Variants in SLC67A1 observed in about 807,000 individuals in gnomAD.
The protein encoded by SLC67A1 is solute carrier family 67 member A1.
At chr11:2,903,628 C>A in the SLC67A1 span, 1 of 875,772 alleles carries the variant, frequency 1.1e-6, no homozygotes, top group Non-Finnish European at 1.8e-6. Context: ...ACTCATGCCA[C>A]GCTTAAGCTG....
the SLC67A1 span, among the ~76,000 whole-genome samples, chr11:2,924,241 G>A: frequency 6.6e-6 from 1 of 152,238 alleles, no homozygotes; most frequent in Non-Finnish European, 1.5e-5. This position sits in a 1 kb window ranked among gnomAD's most constrained non-coding sequence, Gnocchi z 8.6. Context: ...GCAGGTCGGG[G>A]CTGTCTGGGG....
chr11:2,900,546 T>A, the SLC67A1 span, among the ~76,000 whole-genome samples: 1 of 151,384 alleles, frequency 6.6e-6, no homozygotes, highest in African/African-American at 2.4e-5. Context: ...ACAAAAAAAT[T>A]AGCGGGGGCT....
At chr11:2,908,909 C>T in the SLC67A1 span, among the ~76,000 whole-genome samples, 1 of 152,232 alleles carries the variant, frequency 6.6e-6, no homozygotes, top group African/African-American at 2.4e-5. Flanking sequence ...CGGGCCCACC[C>T]TTTGGTCCCC....
the SLC67A1 span, chr11:2,902,234 G>C: frequency 2.6e-5 from 4 of 152,282 alleles, no homozygotes; most frequent in African/African-American, 9.6e-5. Context: ...GACCCAGAGG[G>C]GCGGTCCCTG....
chr11:2,902,647 G>A, the SLC67A1 span: 1 of 985,440 alleles, frequency 1.0e-6, no homozygotes, highest in South Asian at 4.7e-5. Context: ...CTCTGCAGCC[G>A]CAAAATCCAG....
chr11:2,909,140 G>A, the SLC67A1 span: 2 of 1,429,906 alleles, frequency 1.4e-6, no homozygotes, highest in South Asian at 1.4e-5. Flanking sequence ...CCCTGGACGG[G>A]GGGAAGGGGA....
the SLC67A1 span, chr11:2,918,162 G>A: frequency 1 from 1,246,937 of 1,252,350 alleles, 620,944 homozygotes; most frequent in East Asian, 1. Context: ...GCCAGGGCCC[G>A]GCCCTTCCTC....
At chr11:2,917,970 A>G in the SLC67A1 span, 4 of 1,599,140 alleles carry the variant, frequency 2.5e-6, no homozygotes, top group Non-Finnish European at 3.4e-6. Context: ...GCAGGCCTGA[A>G]TGGCCTCTCC....
chr11:2,922,266 G>T, the SLC67A1 span: 1 of 1,536,258 alleles, frequency 6.5e-7, no homozygotes, highest in East Asian at 2.2e-5. Flanking sequence ...CCACCTGGGC[G>T]GTACCATCTG....
At chr11:2,921,847 T>A in the SLC67A1 span, 1 of 517,364 alleles carries the variant, frequency 1.9e-6, no homozygotes, top group Non-Finnish European at 3.5e-6. Flanking sequence ...GTGTCCCTGG[T>A]GTGGGCCTTT....
chr11:2,913,288 G>C, the SLC67A1 span, among the ~76,000 whole-genome samples: 6 of 152,188 alleles, frequency 3.9e-5, no homozygotes, highest in African/African-American at 1.2e-4. Context: ...CAGTGGGCAG[G>C]CAGCAGGCCC....
the SLC67A1 span, chr11:2,920,857 C>T: frequency 6.6e-6 from 1 of 152,204 alleles, no homozygotes; most frequent in Admixed American, 6.5e-5. Context: ...GATCTGAAGT[C>T]CTTCACGGCA....
the SLC67A1 span, chr11:2,903,691 G>C: frequency 6.5e-6 from 4 of 617,514 alleles, no homozygotes; most frequent in Non-Finnish European, 1.1e-5. Flanking sequence ...CTGTGCTCCA[G>C]CTTCAGTGCC....
chr11:2,909,119 G>A, the SLC67A1 span: 3 of 1,347,192 alleles, frequency 2.2e-6, no homozygotes, highest in African/African-American at 1.5e-5. Flanking sequence ...GGTCAGCCCC[G>A]CCTGGGCAGC....
chr11:2,911,275 G>A, the SLC67A1 span, among the ~76,000 whole-genome samples: 1 of 152,180 alleles, frequency 6.6e-6, no homozygotes, highest in Non-Finnish European at 1.5e-5. Context: ...CTATGCTCAG[G>A]GTGGGAGGAG....
chr11:2,907,840 A>G, the SLC67A1 span, among the ~76,000 whole-genome samples: 1 of 152,170 alleles, frequency 6.6e-6, no homozygotes, highest in Non-Finnish European at 1.5e-5. This position sits in a 1 kb window ranked among gnomAD's most constrained non-coding sequence, Gnocchi z 6.7. Context: ...GCAATGGGCC[A>G]CCTCTTGGAG....
At chr11:2,923,704 G>A in the SLC67A1 span, among the ~76,000 whole-genome samples, 5 of 152,196 alleles carry the variant, frequency 3.3e-5, no homozygotes, top group African/African-American at 1.2e-4. This position sits in a 1 kb window ranked among gnomAD's most constrained non-coding sequence, Gnocchi z 6.5. Context: ...GCACAGGAGA[G>A]GAAGGCCTGG....
the SLC67A1 span, among the ~76,000 whole-genome samples, chr11:2,912,824 A>T: frequency 6.6e-6 from 1 of 152,110 alleles, no homozygotes; most frequent in East Asian, 1.9e-4. Flanking sequence ...ATAGAGTCCT[A>T]TCCTGAGCCA....
chr11:2,909,687 C>A, the SLC67A1 span: 4 of 1,542,188 alleles, frequency 2.6e-6, no homozygotes, highest in African/African-American at 4.2e-5. Context: ...CCCTGCTGGG[C>A]GGGACCCTGG....
Sources: gnomAD v4.1 joint callset for allele counts (sites outside exome capture counted in the v4.1 genomes callset) on GRCh38, gnomAD v4.1.1 for gene constraint, Gnocchi (gnomAD v3.1) non-coding constraint, MANE v1.5 for transcripts, NCBI Gene and HGNC (gene_info 2026-07-23, HGNC 2026-07-21) for gene names.